Variants in TECTA observed in about 807,000 individuals in gnomAD.
The protein encoded by TECTA is alpha-tectorin.
In TECTA, 128 loss-of-function variants were observed where a neutral mutation model predicts 216.8. The observed-to-expected ratio is 0.59, with a 90% CI of 0.51 to 0.68. The LOEUF is 0.68. TECTA is among the 30% of genes least tolerant of loss of function. The pLI is 0.00. For synonymous variants in TECTA, 1,089 were observed against 1,117.1 expected (o/e 0.97, Z 0.50); for missense variants, 2,551 against 2,786.2 (o/e 0.92, Z 1.90).
chr11:121,190,766 C>T lies in TECTA; in HGVS notation c.6428C>T (p.Ser2143Leu), dbSNP rs538443920. The stretch of plus-strand genomic sequence containing the variant: ...CTTCTTCTCATCATGATCCAGATTT[C>T]ATTATGGCATTTTGTCTATAAATCA... Reference protein sequence around the residue: ...WTLLLIMIQISLWHFVYKSGT... With the variant: ...WTLLLIMIQILLWHFVYKSGT... The change falls in exon 24 of 24, where the codon TCA becomes TTA. Residue 2143 changes from serine to leucine, a missense_variant. Coordinates refer to ENST00000392793, the MANE Select transcript of TECTA (RefSeq NM_005422.4). The T allele has an allele frequency of 1.4e-3, 2,216 of 1,613,790 alleles. 43 individuals carry two copies. The South Asian group carries it at 0.023, about 17-fold the overall frequency.
Position 121,125,811 on chromosome 11 carries a change from T to C in TECTA, c.1713T>C (p.Tyr571=), listed in dbSNP as rs1475073823. The change falls in exon 8 of 24, where the codon TAT becomes TAC. Residue 571 remains tyrosine, a synonymous_variant. Transcript: ENST00000392793. ...GTLLCQAIQA[Y]ALVCQALGIP... ...TCCTCTGCCAAGCCATCCAGGCCTA[T>C]GCTCTTGTGTGCCAAGCCCTTGGCA... 2.5e-6 allele frequency: 4 copies of C among 1,613,832 alleles called. No individual in the cohort carries two copies. The highest frequency in any genetic ancestry group is 3.4e-6 in the Non-Finnish European group (4 of 1,180,044).
Position 121,171,364 on chromosome 11 carries a change from C to T in TECTA, c.5999+2439C>T, listed in dbSNP as rs529221205. Among the ~76,000 whole-genome samples the T allele has an allele frequency of 9.2e-4, 140 of 152,260 alleles. 2 individuals are homozygous for T. In the Middle Eastern group the frequency reaches 0.014, roughly 15 times the overall value. On this transcript the variant is annotated intron_variant, in intron 20 of 23. Transcript: ENST00000392793. ...ACTTAAAAGTCAGGTAGTGTGATGT[C>T]TCCAGCTTTGTTCTTTTTAGTGAGT...
rs1490134496 is a variant in TECTA, at chr11:121,113,207, C to G, written c.622C>G (p.Gln208Glu). The G allele has an allele frequency of 6.2e-7, 1 of 1,613,852 alleles. No individual in the cohort carries two copies. The highest frequency in any genetic ancestry group is 8.5e-7 in the Non-Finnish European group (1 of 1,180,004). ...GACAGGTCTTGGTGGAGTGATGGCA[C>G]AGGTAGGTGGCTCTCCACTTCATCC... ...PLTGLGGVMA[Q>E]AGFNGGNLTN... The change falls in exon 5 of 24, where the codon CAG (glutamine) becomes GAG (glutamate). Residue 208 changes from glutamine (Q) to glutamate (E), a missense_variant and splice_region_variant. Gln to Glu is a conservative substitution (Grantham distance 29, BLOSUM62 2). Around this residue, in one of 3 missense-constraint regions of TECTA, gnomAD observed 2,375 missense variants for 2,563.9 expected, o/e 0.93. Coordinates refer to ENST00000392793, the MANE Select transcript of TECTA (RefSeq NM_005422.4). This position sits in a 1 kb window ranked among gnomAD's most constrained non-coding sequence, Gnocchi z 4.2.
chr11:121,144,839 T>A (rs1946818334), intron 11 of TECTA, among the ~76,000 whole-genome samples: 1 of 151,920 alleles, frequency 6.6e-6, no homozygotes, highest in Admixed American at 6.6e-5. Flanking sequence ...ATCTTGTAGG[T>A]GAGATGGAAG....
intron 4 of TECTA, among the ~76,000 whole-genome samples, chr11:121,110,882 C>T (rs1401276170): frequency 6.6e-6 from 1 of 152,174 alleles, no homozygotes; most frequent in African/African-American, 2.4e-5. Flanking sequence ...AATGAAGTAA[C>T]ATCTAAGTGC....
Position 121,137,554 on chromosome 11 carries a change from A to C in TECTA, c.3075A>C (p.Leu1025=). Reference sequence around the variant, plus strand: ...GTCAGTGTGATGAGGGCTATGCTCTACTGGGCAGCCAGTGTGTCACGCGGA... The same window carrying C: ...GTCAGTGTGATGAGGGCTATGCTCTCCTGGGCAGCCAGTGTGTCACGCGGA... ...EGCQCDEGYA[L]LGSQCVTRSE... The change falls in exon 11 of 24, where the codon CTA becomes CTC. Residue 1025 remains leucine, a synonymous_variant. Transcript: ENST00000392793. 6.2e-7 allele frequency: 1 copy of C among 1,613,900 alleles called. No individual in the cohort carries two copies. Among genetic ancestry groups the C allele is most frequent in the Non-Finnish European group, 8.5e-7 (1 of 1,179,966 alleles).
intron 10 of TECTA, among the ~76,000 whole-genome samples, chr11:121,132,894 T>TG (rs1946689383): frequency 3.9e-5 from 6 of 151,998 alleles, no homozygotes; most frequent in South Asian, 2.1e-4. Flanking sequence ...GCTAATTTTT[T>TG]TTGTGTGTGT....
intron 13 of TECTA, among the ~76,000 whole-genome samples, chr11:121,153,508 T>C (rs1466178929): frequency 1.3e-5 from 2 of 152,180 alleles, no homozygotes; most frequent in African/African-American, 4.8e-5. Flanking sequence ...CTGGAAAATA[T>C]GGAGCTGGAG....
intron 7 of TECTA, among the ~76,000 whole-genome samples, chr11:121,119,131 C>T (rs1946532858): frequency 6.6e-6 from 1 of 152,106 alleles, no homozygotes; most frequent in Non-Finnish European, 1.5e-5. Flanking sequence ...GGTACAAACA[C>T]AATACAAACC....
rs1946468350 is a variant in TECTA at position 121,113,724 on chromosome 11, GC to G, written c.790+7del. The G allele has an allele frequency of 1.9e-6, 3 of 1,613,064 alleles. No homozygotes were observed. Among genetic ancestry groups the G allele is most frequent in the African/African-American group, 1.3e-5 (1 of 74,892 alleles). On this transcript the variant is annotated splice_region_variant and intron_variant, in intron 6 of 23. Transcript: ENST00000392793. This position sits in a 1 kb window ranked among gnomAD's most constrained non-coding sequence, Gnocchi z 4.2. ...CAATGGCTGCACCTCAAGGGGTAAA[GC>G]TTTTCCTCTGTCTGTGGCAAGGCAG...
chr11:121,155,678 G>T (rs1245899982), intron 13 of TECTA, among the ~76,000 whole-genome samples: 1 of 152,112 alleles, frequency 6.6e-6, no homozygotes, highest in Non-Finnish European at 1.5e-5. Flanking sequence ...GCCTTTTTGT[G>T]CTATTGAAAG....
intron 6 of TECTA, among the ~76,000 whole-genome samples, chr11:121,117,138 T>C (rs1160711837): frequency 1.3e-5 from 2 of 152,262 alleles, no homozygotes; most frequent in African/African-American, 4.8e-5. Flanking sequence ...CATTTCTTAA[T>C]GCTGTGTCTT....
Position 121,130,091 on chromosome 11 carries a change from T to C in TECTA, c.2821T>C (p.Phe941Leu). Residue 941 changes from phenylalanine (F) to leucine (L), a missense_variant, in exon 10 of 24, where the codon TTC (phenylalanine) becomes CTC (leucine). This residue lies in a region of TECTA where 2,375 missense variants were observed against 2,563.9 expected (regional missense o/e 0.93). Coordinates refer to ENST00000392793, the MANE Select transcript of TECTA (RefSeq NM_005422.4). ...NVTAYYRTCL[F>L]RLCQSGGNES... Reference sequence around the variant, plus strand: ...CACTGCCTATTACCGCACCTGCCTTTTCCGCCTGTGCCAGAGTGGGGGCAA... The same window carrying C: ...CACTGCCTATTACCGCACCTGCCTTCTCCGCCTGTGCCAGAGTGGGGGCAA... 1 of 1,613,872 alleles carries C rather than the reference T, an allele frequency of 6.2e-7. No homozygotes were observed. Among genetic ancestry groups the C allele is most frequent in the Non-Finnish European group, 8.5e-7 (1 of 1,180,020 alleles).
chr11:121,145,890 T>C lies in TECTA; in HGVS notation c.3879T>C (p.Gly1293=). Residue 1293 remains glycine (G), a synonymous_variant, in exon 12 of 24, where the codon GGT becomes GGC. Transcript: ENST00000392793. The part of the protein sequence containing the change: ...DRCPSCAKVE[G]FSKVQQLCSL... Reference sequence around the variant, plus strand: ...GTCCGTCCTGTGCCAAGGTGGAAGGTTTCTCCAAAGTGCAGCAGCTGTGCA... The same window carrying C: ...GTCCGTCCTGTGCCAAGGTGGAAGGCTTCTCCAAAGTGCAGCAGCTGTGCA... The C allele has an allele frequency of 1.9e-6, 3 of 1,614,176 alleles. No individual in the cohort carries two copies. The highest frequency in any genetic ancestry group is 2.5e-6 in the Non-Finnish European group (3 of 1,180,026).
chr11:121,175,167 AG>A (rs1331668798), intron 20 of TECTA, among the ~76,000 whole-genome samples: 1 of 151,862 alleles, frequency 6.6e-6, no homozygotes, highest in Non-Finnish European at 1.5e-5. Flanking sequence ...AATTTTTTGA[AG>A]GGTTTTTTTG....
At chr11:121,173,798 G>A (rs1188547728) in intron 20 of TECTA, among the ~76,000 whole-genome samples, 2 of 152,068 alleles carry the variant, frequency 1.3e-5, no homozygotes, top group East Asian at 1.9e-4. Context: ...CCATTTTCAC[G>A]ATATTGATTC....
intron 7 of TECTA, among the ~76,000 whole-genome samples, chr11:121,120,581 A>G (rs1391193677): frequency 6.6e-6 from 1 of 152,192 alleles, no homozygotes; most frequent in African/African-American, 2.4e-5. Flanking sequence ...CTTCCAAAAC[A>G]CAGACCCCCC....
intron 7 of TECTA, among the ~76,000 whole-genome samples, chr11:121,122,357 G>A (rs577733): frequency 0.24 from 37,109 of 151,952 alleles, 5,455 homozygotes; most frequent in Admixed American, 0.33. Context: ...CAGAAAGTGG[G>A]CTCTCGCCAG....
chr11:121,145,632 G>A lies in TECTA; in HGVS notation c.3621G>A (p.Val1207=). 6.2e-7 allele frequency: 1 copy of A among 1,614,238 alleles called. No homozygotes were observed. Among genetic ancestry groups the A allele is most frequent in the Non-Finnish European group, 8.5e-7 (1 of 1,180,040 alleles). ...ATATCTTTTCCTTTGGCTTCCACGTGGTGGTGGAAACTGATTTTGGCCTGA... is the reference window on the plus strand; with the variant it reads ...ATATCTTTTCCTTTGGCTTCCACGTAGTGGTGGAAACTGATTTTGGCCTGA... ...KINIFSFGFH[V]VVETDFGLKV... Residue 1207 remains valine (V), a synonymous_variant, in exon 12 of 24, where the codon GTG becomes GTA. Transcript: ENST00000392793.
Sources: gnomAD v4.1 joint callset for allele counts (sites outside exome capture counted in the v4.1 genomes callset) on GRCh38, gnomAD v4.1.1 for gene constraint, gnomAD v4.1.1 regional missense constraint, Gnocchi (gnomAD v3.1) non-coding constraint, MANE v1.5 for transcripts, NCBI Gene and HGNC (gene_info 2026-07-23, HGNC 2026-07-21) for gene names.